The following ACSBG2 variants were observed in gnomAD, a reference collection of about 807,000 sequenced individuals.
ACSBG2 encodes long-chain-fatty-acid--CoA ligase ACSBG2.
ACSBG2 carries 62 observed loss-of-function variants against 74.7 expected under a neutral mutation model. The ratio of observed to expected loss-of-function variants is 0.83; its 90% CI spans 0.68 to 1.03. The LOEUF (loss-of-function observed/expected upper bound fraction) is 1.03. Ranked by LOEUF, ACSBG2 falls within the 50% of genes least tolerant of loss-of-function variation. ACSBG2 has a pLI of 0.00. For synonymous variants in ACSBG2, 309 were observed against 294.1 expected (o/e 1.05, Z -0.52); for missense variants, 730 against 817.6 (o/e 0.89, Z 1.31).
chr19:6,189,410 C>T (rs1038085452), intron 13 of ACSBG2, among the ~76,000 whole-genome samples: 1 of 152,200 alleles, frequency 6.6e-6, no homozygotes, highest in Non-Finnish European at 1.5e-5. Flanking sequence ...GCTGTCAGCG[C>T]TCGGCTGTAA....
At chr19:6,141,367 ACTCTC>A (rs957980360) in intron 1 of ACSBG2, 141 bp from the exon 2 acceptor site, 9 of 570,260 alleles carry the variant, frequency 1.6e-5, no homozygotes, top group African/African-American at 9.4e-5. Flanking sequence ...CATGCCGGCC[ACTCTC>A]CTCTCCTCCC....
At chr19:6,166,396 A>G (rs2089811103) in intron 7 of ACSBG2, among the ~76,000 whole-genome samples, 1 of 149,918 alleles carries the variant, frequency 6.7e-6, no homozygotes, top group African/African-American at 2.5e-5. Flanking sequence ...GGCTCACTGC[A>G]ACCTCTGCCT....
chr19:6,162,566 C>CAAA (rs58138677), intron 6 of ACSBG2, among the ~76,000 whole-genome samples: 41,974 of 83,706 alleles, frequency 0.5, 10,312 homozygotes, highest in Non-Finnish European at 0.59. Flanking sequence ...GACTCCGTCT[C>CAAA]AAAAAAAAAA....
At chr19:6,162,974 T>G (rs2089675253) in intron 6 of ACSBG2, among the ~76,000 whole-genome samples, 1 of 151,516 alleles carries the variant, frequency 6.6e-6, no homozygotes, top group South Asian at 2.1e-4. Flanking sequence ...CAAGGGAGAG[T>G]AGAACCTACC....
At chr19:6,178,176 C>T (rs991162133) in intron 8 of ACSBG2, among the ~76,000 whole-genome samples, 4 of 152,062 alleles carry the variant, frequency 2.6e-5, no homozygotes, top group Admixed American at 2.0e-4. Context: ...ATTCTCTCAA[C>T]ATAAATTATT....
At chr19:6,164,098 G>A (rs1294182788) in intron 6 of ACSBG2, among the ~76,000 whole-genome samples, 1 of 152,240 alleles carries the variant, frequency 6.6e-6, no homozygotes, top group Non-Finnish European at 1.5e-5. Context: ...TGGCATCTGT[G>A]TGCCCAACAG....
chr19:6,144,896 A>G (rs112422739), intron 2 of ACSBG2, among the ~76,000 whole-genome samples: 3,559 of 151,916 alleles, frequency 0.023, 53 homozygotes, highest in South Asian at 0.054. Context: ...AGGTTTCACT[A>G]TGTTGGCCAG....
chr19:6,164,445 T>G (rs1280771126), intron 6 of ACSBG2, among the ~76,000 whole-genome samples: 1 of 151,442 alleles, frequency 6.6e-6, no homozygotes, highest in Non-Finnish European at 1.5e-5. Flanking sequence ...TTTTTTTTTT[T>G]TTTTTGAGAT....
At chr19:6,191,616 A>G (rs1360807012) in intron 14 of ACSBG2, 2 of 152,012 alleles carry the variant, frequency 1.3e-5, no homozygotes, top group Non-Finnish European at 2.9e-5. Flanking sequence ...TTTCCCTTTT[A>G]TAGGGACAGG....
At chr19:6,187,002 GTTTTTTTT>G (rs1011907904) in intron 11 of ACSBG2, among the ~76,000 whole-genome samples, 1 of 130,698 alleles carries the variant, frequency 7.7e-6, no homozygotes, top group African/African-American at 3.0e-5. Context: ...TGGCCACTAG[GTTTTTTTT>G]TTTTTTTTTT....
intron 7 of ACSBG2, among the ~76,000 whole-genome samples, chr19:6,166,331 T>TGTGTGTGTGTGTGTGGGTG (rs71172794): frequency 7.2e-6 from 1 of 139,728 alleles, no homozygotes; most frequent in African/African-American, 2.6e-5. Context: ...TGTGTGTGTG[T>TGTGTGTGTGTGTGTGGGTG]TTTGAGATGG....
chr19:6,187,718 C>A lies in ACSBG2; in HGVS notation c.1800C>A (p.Asp600Glu). The A allele has an allele frequency of 6.2e-7, 1 of 1,614,128 alleles. No individual in the cohort carries two copies. Among genetic ancestry groups the A allele is most frequent in the Non-Finnish European group, 8.5e-7 (1 of 1,180,030 alleles). ...STVTEIVKQQ[D>E]PLVYKAIQQG... Reference sequence around the variant, plus strand: ...TGACTGAGATTGTGAAGCAGCAAGACCCCCTGGTCTACAAGGCCATCCAGC... The same window carrying A: ...TGACTGAGATTGTGAAGCAGCAAGAACCCCTGGTCTACAAGGCCATCCAGC... Residue 600 changes from aspartate (D) to glutamate (E), a missense_variant, in exon 13 of 15, where the codon GAC becomes GAA. Transcript: ENST00000588485.
At chr19:6,176,802 A>C (rs1226527291) in intron 7 of ACSBG2, among the ~76,000 whole-genome samples, 1 of 152,148 alleles carries the variant, frequency 6.6e-6, no homozygotes, top group Non-Finnish European at 1.5e-5. Context: ...TGTCTTGGTC[A>C]TAGTAGGTGC....
intron 6 of ACSBG2, among the ~76,000 whole-genome samples, chr19:6,161,887 ATT>A (rs1015404721): frequency 4.6e-5 from 7 of 152,186 alleles, no homozygotes; most frequent in Admixed American, 4.6e-4. Context: ...AAAATCAGTC[ATT>A]TTGTTATTAA....
chr19:6,186,376 T>A (rs61191739), intron 11 of ACSBG2, among the ~76,000 whole-genome samples: 62 of 152,340 alleles, frequency 4.1e-4, no homozygotes, highest in African/African-American at 1.4e-3. Context: ...TCAAAAAAAA[T>A]TCTTCTTTTG....
rs1568237539 is a variant in ACSBG2 at position 6,166,291 on chromosome 19, TGTGTG to T, written c.738+277_738+281del. Reference sequence around the variant, plus strand: ...GTGAGTCAGGAAGGTTGTGTGTGTGTGTGTGTGTGTGTGTGTGTGTGTGTGTGTGT... The same window carrying T: ...GTGAGTCAGGAAGGTTGTGTGTGTGTTGTGTGTGTGTGTGTGTGTGTGTGT... On this transcript the variant is annotated intron_variant, in intron 7 of 14. Transcript: ENST00000588485. Among the ~76,000 whole-genome samples the T allele has an allele frequency of 1.3e-3, 190 of 145,976 alleles. 2 individuals carry two copies. Among genetic ancestry groups the T allele is most frequent in the African/African-American group, 4.7e-3 (186 of 39,234 alleles).
chr19:6,147,852 C>T (rs2089092973), intron 3 of ACSBG2, among the ~76,000 whole-genome samples, 177 bp downstream of exon 3: 1 of 152,036 alleles, frequency 6.6e-6, no homozygotes, highest in Non-Finnish European at 1.5e-5. Flanking sequence ...GAAGCGGTCA[C>T]CATTGTCAGT....
intron 13 of ACSBG2, 89 bp downstream of exon 13, chr19:6,187,934 A>G: frequency 6.5e-7 from 1 of 1,545,310 alleles, no homozygotes; most frequent in East Asian, 2.3e-5. Context: ...TCTGAAGGTC[A>G]GAGGGTCTAT....
intron 4 of ACSBG2, among the ~76,000 whole-genome samples, chr19:6,152,092 A>C (rs1042966118): frequency 6.6e-6 from 1 of 152,144 alleles, no homozygotes; most frequent in Non-Finnish European, 1.5e-5. Flanking sequence ...ATTGTGCTCC[A>C]CGTGTATGAT....
Sources: allele counts gnomAD v4.1 joint callset (sites outside exome capture counted in the v4.1 genomes callset), GRCh38; gene constraint gnomAD v4.1.1; transcripts MANE v1.5; gene names NCBI Gene and HGNC (gene_info 2026-07-23, HGNC 2026-07-21).